Variants in RYR2 observed in about 807,000 individuals in gnomAD.
RYR2 encodes ryanodine receptor 2.
RYR2 carries 227 observed loss-of-function variants against 601.1 expected under a neutral mutation model. The ratio of observed to expected loss-of-function variants is 0.38; its 90% CI spans 0.34 to 0.42. The LOEUF (loss-of-function observed/expected upper bound fraction) is 0.42. Among genes scored for constraint, RYR2 ranks in the 10% least tolerant of loss-of-function variants. RYR2 has a pLI of 1.00. For synonymous variants in RYR2, 2,223 were observed against 2,175.1 expected (o/e 1.02, Z -0.61); for missense variants, 4,646 against 6,156.5 (o/e 0.75, Z 8.21).
intron 29 of RYR2, among the ~76,000 whole-genome samples, chr1:237,580,558 T>C (rs893503045): frequency 2.0e-5 from 3 of 152,126 alleles, no homozygotes; most frequent in Non-Finnish European, 2.9e-5. Flanking sequence ...TGAGGGATGA[T>C]TTCCGGGTTC....
In RYR2 at chr1:237,700,388, C is replaced by T; in HGVS notation, c.9288C>T (p.Tyr3096=). The change falls in exon 65 of 105, where the codon TAC becomes TAT. Residue 3096 remains tyrosine, a synonymous_variant. Transcript: ENST00000366574. ...QPKGVTQIIN[Y]TTVALLPMLS... ...AAGGGGTTACTCAGATTATCAATTA[C>T]ACCACAGTGGCCCTGCTGCCAATGC... is the stretch of plus-strand genomic sequence containing the variant. The T allele has an allele frequency of 6.2e-7, 1 of 1,608,662 alleles. No homozygotes were observed. The highest frequency in any genetic ancestry group is 8.5e-7 in the Non-Finnish European group (1 of 1,177,284).
At chr1:237,197,673 T>C (rs1426275791) in intron 1 of RYR2, among the ~76,000 whole-genome samples, 2 of 152,258 alleles carry the variant, frequency 1.3e-5, no homozygotes, top group African/African-American at 4.8e-5. Context: ...AGGGATTGCA[T>C]AGGGTGCTTG....
chr1:237,712,946 A>C (rs1207175692), intron 71 of RYR2, among the ~76,000 whole-genome samples: 1 of 152,216 alleles, frequency 6.6e-6, no homozygotes, highest in African/African-American at 2.4e-5. Flanking sequence ...CTACTGACTC[A>C]ATAAATTCTG....
At chr1:237,148,535 T>TATATATATATATACACAC (rs1674312120) in intron 1 of RYR2, among the ~76,000 whole-genome samples, 1 of 125,126 alleles carries the variant, frequency 8.0e-6, no homozygotes, top group African/African-American at 3.4e-5. Context: ...AAAATATATA[T>TATATATATATATACACAC]ATATATATAT....
chr1:237,538,994 C>A (rs1668968666), intron 25 of RYR2, among the ~76,000 whole-genome samples: 1 of 152,094 alleles, frequency 6.6e-6, no homozygotes, highest in South Asian at 2.1e-4. Flanking sequence ...TAGGCATAAC[C>A]TAGCGGATGA....
intron 1 of RYR2, among the ~76,000 whole-genome samples, chr1:237,164,711 T>TA (rs1198581823): frequency 1.3e-5 from 2 of 152,182 alleles, no homozygotes; most frequent in African/African-American, 2.4e-5. Context: ...GGCAACCTCT[T>TA]ACCTTTTTGA....
In RYR2 at chr1:237,650,002, C is replaced by T; in HGVS notation, c.7638C>T (p.Asp2546=). 6.2e-7 allele frequency: 1 copy of T among 1,614,004 alleles called. No individual in the cohort carries two copies. Among genetic ancestry groups the T allele is most frequent in the Non-Finnish European group, 8.5e-7 (1 of 1,179,882 alleles). ...AGTEHHASLI[D]SLLHTVYRLS... ...CAGAGCACCACGCTTCTCTCATTGACTCATTACTTCATACTGTGTATAGAC... is the reference window on the plus strand; with the variant it reads ...CAGAGCACCACGCTTCTCTCATTGATTCATTACTTCATACTGTGTATAGAC... Residue 2546 remains aspartate (D), a synonymous_variant, in exon 50 of 105, where the codon GAC becomes GAT. Coordinates refer to ENST00000366574, the MANE Select transcript of RYR2 (RefSeq NM_001035.3).
chr1:237,766,602 G>A (rs1211812398), intron 84 of RYR2, among the ~76,000 whole-genome samples: 1 of 152,132 alleles, frequency 6.6e-6, no homozygotes, highest in Non-Finnish European at 1.5e-5. Context: ...CTCAAGGCAG[G>A]GAGATCAGTA....
chr1:237,339,492 C>T (rs1253784668), intron 3 of RYR2, among the ~76,000 whole-genome samples: 2 of 151,792 alleles, frequency 1.3e-5, no homozygotes, highest in Non-Finnish European at 2.9e-5. Flanking sequence ...GTCCTCATTC[C>T]CCCCTAAGAT....
chr1:237,459,438 A>G (rs962087259), intron 16 of RYR2, among the ~76,000 whole-genome samples: 2 of 152,160 alleles, frequency 1.3e-5, no homozygotes, highest in African/African-American at 4.8e-5. Context: ...TTCATGTATG[A>G]ATGTTTGAGG....
chr1:237,068,084 C>T (rs1663874182), intron 1 of RYR2, among the ~76,000 whole-genome samples: 1 of 140,132 alleles, frequency 7.1e-6, no homozygotes. Flanking sequence ...GACTCTTTCA[C>T]TTTCTCATCA....
chr1:237,291,369 C>T (rs186499044), intron 2 of RYR2, among the ~76,000 whole-genome samples: 1 of 152,056 alleles, frequency 6.6e-6, no homozygotes, highest in African/African-American at 2.4e-5. Context: ...CTTTGGAGAA[C>T]AGTTTGGCAG....
chr1:237,172,024 G>A (rs1441983906), intron 1 of RYR2, among the ~76,000 whole-genome samples: 3 of 152,206 alleles, frequency 2.0e-5, no homozygotes, highest in African/African-American at 7.2e-5. Flanking sequence ...GCTTGGCTGT[G>A]CCCTTACAAA....
At chr1:237,328,031 A>T (rs1197577336) in intron 2 of RYR2, among the ~76,000 whole-genome samples, 2 of 152,228 alleles carry the variant, frequency 1.3e-5, no homozygotes, top group East Asian at 3.8e-4. Flanking sequence ...GACACTGCCA[A>T]GGGTTGATTG....
chr1:237,296,931 C>T (rs1692840103), intron 2 of RYR2, among the ~76,000 whole-genome samples: 1 of 152,072 alleles, frequency 6.6e-6, no homozygotes, highest in Non-Finnish European at 1.5e-5. Context: ...AGTACATATT[C>T]GTTTAATATG....
intron 25 of RYR2, among the ~76,000 whole-genome samples, chr1:237,543,284 G>C (rs1669492252): frequency 6.6e-6 from 1 of 152,072 alleles, no homozygotes; most frequent in African/African-American, 2.4e-5. Context: ...TTGGGGTCAG[G>C]GGAGTAGGGC....
rs1193457401 is a variant in RYR2 at position 237,251,123 on chromosome 1, G to GT, written c.49-19371dup. Among the ~76,000 whole-genome samples the GT allele has an allele frequency of 6.9e-4, 105 of 151,736 alleles. 2 individuals are homozygous for GT. Among genetic ancestry groups the GT allele is most frequent in the African/African-American group, 2.5e-3 (103 of 41,384 alleles). Reference sequence around the variant, plus strand: ...TTCTACAAAGACAGGAGTTTTGTCTGTTTCGATCTTTCCTTTCCATAGTGC... The same window carrying GT: ...TTCTACAAAGACAGGAGTTTTGTCTGTTTTCGATCTTTCCTTTCCATAGTGC... On this transcript the variant is annotated intron_variant, in intron 1 of 104. Transcript: ENST00000366574.
At chr1:237,650,229 A>G in intron 50 of RYR2, 132 bp downstream of exon 50, 1 of 823,522 alleles carries the variant, frequency 1.2e-6, no homozygotes, top group Non-Finnish European at 1.9e-6. Flanking sequence ...AGGTAGTCCC[A>G]TATACTGAGG....
intron 1 of RYR2, among the ~76,000 whole-genome samples, chr1:237,171,651 C>A (rs375243450): frequency 1.3e-5 from 2 of 152,194 alleles, no homozygotes; most frequent in African/African-American, 4.8e-5. Flanking sequence ...AAACAAAAAT[C>A]TCTGAGACTC....
Sources: allele counts gnomAD v4.1 joint callset (sites outside exome capture counted in the v4.1 genomes callset), GRCh38; gene constraint gnomAD v4.1.1; transcripts MANE v1.5; gene names NCBI Gene and HGNC (gene_info 2026-07-23, HGNC 2026-07-21).